Variants in PTPRT observed in about 807,000 individuals in gnomAD.
PTPRT encodes the protein receptor-type tyrosine-protein phosphatase T.
A neutral mutation model predicts 176.8 loss-of-function variants in PTPRT; 56 were observed. The ratio of observed to expected loss-of-function variants is 0.32; its 90% CI spans 0.26 to 0.40. PTPRT has a LOEUF of 0.40. Ranked by LOEUF, PTPRT falls within the 10% of genes least tolerant of loss-of-function variation. The pLI is 1.00. For missense variants in PTPRT, 1,540 were observed against 1,908.2 expected, an observed-to-expected ratio of 0.81 and a Z score of 3.60; for synonymous variants, 783 against 739.0, an observed-to-expected ratio of 1.06 and a Z score of -0.96.
chr20:42,033,088 G>A, the PTPRT span, among the ~76,000 whole-genome samples: 3 of 152,200 alleles, frequency 2.0e-5, no homozygotes, highest in Non-Finnish European at 4.4e-5. Context: ...TAGGGCAGAG[G>A]TGAGACCGGA....
intron 8 of PTPRT, among the ~76,000 whole-genome samples, chr20:42,451,748 T>C (rs955122935): frequency 1.4e-4 from 22 of 152,104 alleles, no homozygotes; most frequent in African/African-American, 4.8e-4. Context: ...GAACCTACTG[T>C]CCTCAAGGTG....
chr20:42,646,092 A>C (rs1439424191), intron 7 of PTPRT, among the ~76,000 whole-genome samples: 1 of 151,846 alleles, frequency 6.6e-6, no homozygotes, highest in Non-Finnish European at 1.5e-5. Flanking sequence ...ACCCATCCCC[A>C]TTGCTGTGAG....
At chr20:43,043,097 C>T (rs1037303561) in intron 1 of PTPRT, among the ~76,000 whole-genome samples, 8 of 152,164 alleles carry the variant, frequency 5.3e-5, no homozygotes, top group African/African-American at 1.9e-4. Flanking sequence ...GCTTCCAGGA[C>T]TCTGGTCTTA....
At chr20:42,600,293 T>C (rs1166476674) in intron 7 of PTPRT, among the ~76,000 whole-genome samples, 1 of 151,862 alleles carries the variant, frequency 6.6e-6, no homozygotes, top group East Asian at 1.9e-4. Context: ...GTGTGCGCCA[T>C]AAAGTCTGGC....
chr20:42,770,286 C>T (rs6016890), intron 5 of PTPRT, among the ~76,000 whole-genome samples: 1 of 152,146 alleles, frequency 6.6e-6, no homozygotes, highest in Non-Finnish European at 1.5e-5. Flanking sequence ...CCACGCCCAG[C>T]TAATTTTTCT....
intron 1 of PTPRT, among the ~76,000 whole-genome samples, chr20:43,182,838 A>AAAAACAAAAC (rs201441385): frequency 2.6e-5 from 4 of 152,014 alleles, no homozygotes; most frequent in Non-Finnish European, 5.9e-5. Flanking sequence ...AAGGCGCAAA[A>AAAAACAAAAC]AAAACAAAAC....
intron 1 of PTPRT, among the ~76,000 whole-genome samples, chr20:42,989,249 T>G (rs1175777475): frequency 2.0e-5 from 3 of 152,278 alleles, no homozygotes; most frequent in African/African-American, 7.2e-5. Flanking sequence ...ACCAAATCCT[T>G]AAATATTTTG....
At chr20:43,022,252 G>A (rs1400213164) in intron 1 of PTPRT, among the ~76,000 whole-genome samples, 1 of 152,192 alleles carries the variant, frequency 6.6e-6, no homozygotes, top group African/African-American at 2.4e-5. Flanking sequence ...ATTCTTCAGT[G>A]CACTGATGGT....
intron 1 of PTPRT, among the ~76,000 whole-genome samples, chr20:43,023,657 G>C (rs1985795436): frequency 6.6e-6 from 1 of 152,188 alleles, no homozygotes; most frequent in African/African-American, 2.4e-5. Context: ...AGCTGCCTGA[G>C]CAAGGGCCTA....
At chr20:43,083,355 T>TATACATATAC (rs1440052850) in intron 1 of PTPRT, among the ~76,000 whole-genome samples, 1 of 127,322 alleles carries the variant, frequency 7.9e-6, no homozygotes, top group Non-Finnish European at 1.6e-5. Context: ...TATATATATA[T>TATACATATAC]ATATATATAT....
At chr20:43,149,668 A>G (rs556677247) in intron 1 of PTPRT, among the ~76,000 whole-genome samples, 1 of 152,244 alleles carries the variant, frequency 6.6e-6, no homozygotes, top group Non-Finnish European at 1.5e-5. Context: ...TAAATGAGGT[A>G]ACATGTGTGA....
intron 1 of PTPRT, among the ~76,000 whole-genome samples, chr20:42,988,820 C>T (rs533017386): frequency 2.2e-4 from 34 of 152,250 alleles, no homozygotes; most frequent in African/African-American, 9.6e-5. Flanking sequence ...GGCAACCATT[C>T]GACGAGGTGA....
At chr20:42,582,495 G>T (rs2073392359) in intron 7 of PTPRT, among the ~76,000 whole-genome samples, 1 of 152,170 alleles carries the variant, frequency 6.6e-6, no homozygotes, top group African/African-American at 2.4e-5. Context: ...ACAGGTCAAG[G>T]GGGTGAGTCC....
chr20:42,963,836 C>T lies in PTPRT; in HGVS notation c.89-77904G>A, dbSNP rs118087257. 7.1e-3 allele frequency among the ~76,000 whole-genome samples: 1,078 copies of T among 152,256 alleles called. 5 individuals carry two copies. Among genetic ancestry groups the T allele is most frequent in the Admixed American group, 0.011 (169 of 15,294 alleles). On this transcript the variant is annotated intron_variant, in intron 1 of 30. Coordinates refer to ENST00000373187, the MANE Select transcript of PTPRT (RefSeq NM_007050.6). ...TAGATACATACTTAAGGCAGCTAAA[C>T]GTATCCAAGAGTAAAACCAAAAGCA...
intron 14 of PTPRT, among the ~76,000 whole-genome samples, chr20:42,242,178 A>ACATACTGCCTC (rs2056367399): frequency 6.6e-6 from 1 of 152,224 alleles, no homozygotes; most frequent in African/African-American, 2.4e-5. Flanking sequence ...CATGTCTTCC[A>ACATACTGCCTC]CATACTGCCT....
intron 5 of PTPRT, among the ~76,000 whole-genome samples, chr20:42,759,971 G>A (rs1336082167): frequency 6.6e-6 from 1 of 152,164 alleles, no homozygotes; most frequent in Non-Finnish European, 1.5e-5. Context: ...GTGAGAAAAG[G>A]GGCTAAGAAA....
chr20:42,295,035 G>T (rs1421724604), intron 12 of PTPRT, among the ~76,000 whole-genome samples: 1 of 152,038 alleles, frequency 6.6e-6, no homozygotes, highest in Non-Finnish European at 1.5e-5. Flanking sequence ...TGAGCAGAGA[G>T]ACAAAATAGG....
rs545717867 is a variant in PTPRT at position 42,828,701 on chromosome 20, G to A, written c.215-37235C>T. Among the ~76,000 whole-genome samples, 9 of 152,304 alleles carry A rather than the reference G, an allele frequency of 5.9e-5. No individual in the cohort carries two copies. In the South Asian group the frequency reaches 1.9e-3, roughly 32 times the overall value. On this transcript the variant is annotated intron_variant, in intron 2 of 30. Transcript: ENST00000373187. ...ACAGCTCAGGCTATGGCTTAAGAGGGTGCAAGTCCTGTGCCCTAGCAGCTT... is the reference window on the plus strand; with the variant it reads ...ACAGCTCAGGCTATGGCTTAAGAGGATGCAAGTCCTGTGCCCTAGCAGCTT...
At chr20:42,947,262 G>A (rs950061796) in intron 1 of PTPRT, among the ~76,000 whole-genome samples, 3 of 152,138 alleles carry the variant, frequency 2.0e-5, no homozygotes, top group Non-Finnish European at 4.4e-5. Flanking sequence ...CAGGAAAGTT[G>A]GATTATTTTG....
Sources: gnomAD v4.1 joint callset for allele counts (sites outside exome capture counted in the v4.1 genomes callset) on GRCh38, gnomAD v4.1.1 for gene constraint, MANE v1.5 for transcripts, NCBI Gene and HGNC (gene_info 2026-07-23, HGNC 2026-07-21) for gene names.